Variants in TENM3 observed in about 807,000 individuals in gnomAD.
TENM3 encodes teneurin-3.
Under a neutral mutation model 255.1 loss-of-function variants are expected in TENM3, and 63 were observed. The observed-to-expected ratio is 0.25, with a 90% CI of 0.20 to 0.30. The LOEUF (loss-of-function observed/expected upper bound fraction) is 0.30. Among genes scored for constraint, TENM3 ranks in the 10% least tolerant of loss-of-function variants. The pLI, the probability that TENM3 is intolerant of heterozygous loss-of-function variation, is 1.00. For missense variants in TENM3, 2,929 were observed against 3,461.1 expected (o/e 0.85, Z 3.86); for synonymous variants, 1,306 against 1,322.3 (o/e 0.99, Z 0.27).
chr4:181,484,974 T>A, the TENM3 span, among the ~76,000 whole-genome samples: 1 of 152,134 alleles, frequency 6.6e-6, no homozygotes, highest in Non-Finnish European at 1.5e-5. Context: ...AATACACATA[T>A]CTACTTAGGG....
intron 1 of TENM3, among the ~76,000 whole-genome samples, chr4:182,235,093 C>T (rs972703523): frequency 1.3e-5 from 2 of 152,184 alleles, no homozygotes; most frequent in Admixed American, 6.5e-5. Flanking sequence ...AGTATTCCCC[C>T]ACTCTGCCCC....
At chr4:182,041,323 A>G in the TENM3 span, among the ~76,000 whole-genome samples, 1 of 152,136 alleles carries the variant, frequency 6.6e-6, no homozygotes, top group African/African-American at 2.4e-5. Context: ...CCTTTAAACA[A>G]GATAGAAAGG....
the TENM3 span, among the ~76,000 whole-genome samples, chr4:181,897,034 ACTC>A: frequency 8.1e-3 from 1,234 of 151,988 alleles, 7 homozygotes; most frequent in Non-Finnish European, 0.012. Context: ...CTGAAAAAGA[ACTC>A]CTGCTTTTCA....
chr4:182,624,439 G>A (rs998284963), intron 4 of TENM3, among the ~76,000 whole-genome samples: 22 of 152,070 alleles, frequency 1.4e-4, no homozygotes, highest in Non-Finnish European at 2.6e-4. Flanking sequence ...CTGTCCCTTC[G>A]AGCATGGCAT....
At chr4:182,243,985 G>A (rs561078485) in intron 1 of TENM3, among the ~76,000 whole-genome samples, 6 of 116,576 alleles carry the variant, frequency 5.1e-5, no homozygotes, top group African/African-American at 1.4e-4. Flanking sequence ...ACGGAATCTC[G>A]CTCTGTCGCC....
chr4:182,499,551 G>T (rs1414431309), intron 3 of TENM3, among the ~76,000 whole-genome samples: 1 of 152,164 alleles, frequency 6.6e-6, no homozygotes, highest in Non-Finnish European at 1.5e-5. Context: ...CTGAGAAAGA[G>T]AAACCCTTCC....
At chr4:182,021,186 T>C in the TENM3 span, among the ~76,000 whole-genome samples, 4 of 152,334 alleles carry the variant, frequency 2.6e-5, no homozygotes, top group African/African-American at 9.6e-5. Flanking sequence ...CCTGCATTAA[T>C]TCACTTAGAA....
At chr4:181,562,736 G>A in the TENM3 span, among the ~76,000 whole-genome samples, 798 of 150,382 alleles carry the variant, frequency 5.3e-3, 3 homozygotes, top group Non-Finnish European at 7.8e-3. Context: ...GAGCAGTGCC[G>A]CGATCTCAGC....
chr4:182,435,687 T>C (rs188010275), intron 3 of TENM3, among the ~76,000 whole-genome samples: 9 of 152,246 alleles, frequency 5.9e-5, no homozygotes, highest in African/African-American at 2.2e-4. Flanking sequence ...GGAAATTGAT[T>C]TGAAATAGAA....
chr4:182,118,666 T>C, the TENM3 span, among the ~76,000 whole-genome samples: 5 of 152,138 alleles, frequency 3.3e-5, no homozygotes, highest in African/African-American at 1.2e-4. Context: ...GTTTTCATTA[T>C]GAATAGGTGT....
chr4:182,784,944 G>A (rs1031775353), intron 24 of TENM3, among the ~76,000 whole-genome samples: 6 of 152,096 alleles, frequency 3.9e-5, no homozygotes, highest in Admixed American at 6.5e-5. Context: ...ACTGACCTGC[G>A]CCCACTGTCT....
At chr4:182,541,961 G>C (rs939194140) in intron 3 of TENM3, among the ~76,000 whole-genome samples, 1 of 152,098 alleles carries the variant, frequency 6.6e-6, no homozygotes, top group Non-Finnish European at 1.5e-5. Context: ...TACTTGGAAG[G>C]CCAAGGTGGG....
the TENM3 span, among the ~76,000 whole-genome samples, chr4:181,449,517 C>T: frequency 6.6e-5 from 10 of 152,294 alleles, no homozygotes; most frequent in African/African-American, 2.4e-4. Context: ...GGTGTGGTGG[C>T]TCACGCCTGT....
chr4:182,056,060 G>A, the TENM3 span, among the ~76,000 whole-genome samples: 9 of 152,084 alleles, frequency 5.9e-5, no homozygotes, highest in Non-Finnish European at 1.2e-4. Flanking sequence ...TAAATTAGGA[G>A]TGGTGTTCTC....
the TENM3 span, among the ~76,000 whole-genome samples, chr4:181,924,149 T>A: frequency 1.3e-5 from 2 of 152,174 alleles, no homozygotes; most frequent in Non-Finnish European, 2.9e-5. Flanking sequence ...GTTTTCTTAC[T>A]GCTTGCTTTA....
intron 5 of TENM3, among the ~76,000 whole-genome samples, chr4:182,649,194 T>G (rs2152506736): frequency 7.2e-6 from 1 of 139,560 alleles, no homozygotes; most frequent in East Asian, 2.4e-4. Context: ...TTAAAAATTG[T>G]CTTGCAAAAT....
the TENM3 span, among the ~76,000 whole-genome samples, chr4:181,605,570 G>GAT: frequency 3.1e-3 from 78 of 24,842 alleles, 10 homozygotes; most frequent in East Asian, 5.7e-3. Context: ...AAGAAAGAAA[G>GAT]AGAGAGAAAG....
chr4:182,325,773 A>G (rs1464843217), intron 2 of TENM3, among the ~76,000 whole-genome samples: 2 of 152,166 alleles, frequency 1.3e-5, no homozygotes, highest in Admixed American at 6.5e-5. Context: ...AAAAAACCCA[A>G]ACTCCACATT....
chr4:182,161,766 TGTGTATATATATATAC>T, intron 1 of TENM3, among the ~76,000 whole-genome samples: 1 of 35,710 alleles, frequency 2.8e-5, no homozygotes, highest in African/African-American at 1.3e-4. Context: ...TACATATATA[TGTGTATATATATATAC>T]ACAAATATAT....
Sources: allele counts gnomAD v4.1 joint callset (sites outside exome capture counted in the v4.1 genomes callset), GRCh38; gene constraint gnomAD v4.1.1; transcripts MANE v1.5; gene names NCBI Gene and HGNC (gene_info 2026-07-23, HGNC 2026-07-21).